Variants in GRID2 observed in about 807,000 individuals in gnomAD.
GRID2 encodes glutamate ionotropic receptor delta type subunit 2, also known as glutamate receptor ionotropic, delta-2.
Under a neutral mutation model 114.8 loss-of-function variants are expected in GRID2, and 33 were observed. That is an observed-to-expected ratio of 0.29 (90% CI 0.22 to 0.38). The LOEUF (loss-of-function observed/expected upper bound fraction) is 0.38. Among genes scored for constraint, GRID2 ranks in the 10% least tolerant of loss-of-function variants. The pLI is 1.00. For missense variants in GRID2, 1,184 were observed against 1,257.7 expected (o/e 0.94, Z 0.89); for synonymous variants, 505 against 449.9 (o/e 1.12, Z -1.55).
chr4:92,402,443 T>C (rs1446127030), intron 1 of GRID2, among the ~76,000 whole-genome samples: 2 of 152,166 alleles, frequency 1.3e-5, no homozygotes, highest in African/African-American at 4.8e-5. Context: ...ATAATAAGAC[T>C]TGAAAGTTTG....
intron 4 of GRID2, among the ~76,000 whole-genome samples, chr4:93,130,158 A>T (rs1275924372): frequency 1.3e-5 from 2 of 152,176 alleles, no homozygotes; most frequent in African/African-American, 4.8e-5. Flanking sequence ...TTACCTTAAA[A>T]GATCGGTGTG....
chr4:92,903,264 A>C (rs1747709177), intron 2 of GRID2, among the ~76,000 whole-genome samples: 1 of 151,834 alleles, frequency 6.6e-6, no homozygotes, highest in Non-Finnish European at 1.5e-5. Context: ...CAACATTTTA[A>C]ATGAATAAAA....
At chr4:92,791,180 A>C (rs542309478) in intron 2 of GRID2, among the ~76,000 whole-genome samples, 118 of 151,930 alleles carry the variant, frequency 7.8e-4, no homozygotes, top group African/African-American at 2.5e-3. Flanking sequence ...AAAAATGAGA[A>C]AGAGAATGAC....
intron 11 of GRID2, among the ~76,000 whole-genome samples, chr4:93,475,248 T>A (rs1156718742): frequency 2.0e-5 from 3 of 152,120 alleles, no homozygotes; most frequent in Admixed American, 2.0e-4. Context: ...GGAAAAGAAA[T>A]CAGAATAGAA....
intron 1 of GRID2, among the ~76,000 whole-genome samples, chr4:92,501,571 C>T (rs1009257055): frequency 6.6e-6 from 1 of 152,102 alleles, no homozygotes; most frequent in Non-Finnish European, 1.5e-5. Flanking sequence ...CTGCCTTCTT[C>T]CTCTAATGAT....
chr4:93,594,217 T>G (rs1252186699), intron 13 of GRID2, among the ~76,000 whole-genome samples: 1 of 151,992 alleles, frequency 6.6e-6, no homozygotes, highest in Non-Finnish European at 1.5e-5. Context: ...TATGGTGATG[T>G]ACAGATGGGT....
At chr4:93,739,266 G>A (rs1231747976) in intron 14 of GRID2, among the ~76,000 whole-genome samples, 1 of 152,076 alleles carries the variant, frequency 6.6e-6, no homozygotes, top group Non-Finnish European at 1.5e-5. Flanking sequence ...TGTTTAAACT[G>A]TGTTTATAGT....
intron 1 of GRID2, among the ~76,000 whole-genome samples, chr4:92,566,064 C>T (rs1015593): frequency 6.5e-4 from 98 of 151,922 alleles, no homozygotes; most frequent in African/African-American, 2.3e-3. Context: ...CTTCGCTGAC[C>T]GTTTATGGTT....
chr4:92,548,643 C>T (rs1360595274), intron 1 of GRID2, among the ~76,000 whole-genome samples: 2 of 151,688 alleles, frequency 1.3e-5, no homozygotes, highest in African/African-American at 4.8e-5. Context: ...GTCAGCCCAC[C>T]TCAACTTCCC....
At chr4:93,314,217 A>T (rs1246251196) in intron 8 of GRID2, among the ~76,000 whole-genome samples, 1 of 147,814 alleles carries the variant, frequency 6.8e-6, no homozygotes, top group Non-Finnish European at 1.5e-5. Flanking sequence ...AGGCAGGATA[A>T]TTGCTAGAAC....
intron 2 of GRID2, among the ~76,000 whole-genome samples, chr4:92,961,087 A>G (rs185960595): frequency 6.6e-6 from 1 of 151,888 alleles, no homozygotes; most frequent in Non-Finnish European, 1.5e-5. Flanking sequence ...AAAAAATAAT[A>G]ATTACCCCCT....
intron 13 of GRID2, among the ~76,000 whole-genome samples, chr4:93,590,313 T>C (rs1273105308): frequency 6.6e-6 from 1 of 150,588 alleles, no homozygotes; most frequent in Admixed American, 6.6e-5. Context: ...AAATAGGGAA[T>C]CCTTTCCCCA....
At chr4:92,402,796 A>C (rs1730851300) in intron 1 of GRID2, among the ~76,000 whole-genome samples, 1 of 152,180 alleles carries the variant, frequency 6.6e-6, no homozygotes, top group South Asian at 2.1e-4. Flanking sequence ...CTGCTGCATT[A>C]GTCTCTAACA....
chr4:92,533,787 C>T (rs1364448458), intron 1 of GRID2, among the ~76,000 whole-genome samples: 1 of 152,048 alleles, frequency 6.6e-6, no homozygotes, highest in Non-Finnish European at 1.5e-5. Context: ...AAGTCAAATA[C>T]TTAACTGAAG....
intron 14 of GRID2, among the ~76,000 whole-genome samples, chr4:93,700,321 A>T (rs1727398613): frequency 6.6e-6 from 1 of 152,134 alleles, no homozygotes; most frequent in Admixed American, 6.6e-5. Flanking sequence ...CCAACCCTGT[A>T]TGAATTTTTA....
intron 8 of GRID2, among the ~76,000 whole-genome samples, chr4:93,374,430 G>T (rs2149297430): frequency 6.6e-6 from 1 of 152,178 alleles, no homozygotes; most frequent in East Asian, 1.9e-4. Flanking sequence ...CTGAGGAAAT[G>T]GTACAGTAAG....
chr4:92,996,276 C>T (rs1755190287), intron 2 of GRID2, among the ~76,000 whole-genome samples: 1 of 150,142 alleles, frequency 6.7e-6, no homozygotes, highest in South Asian at 2.1e-4. Flanking sequence ...GTTGACAGAA[C>T]AAGACTCTCT....
chr4:93,063,803 C>T lies in GRID2; in HGVS notation c.245-21192C>T, dbSNP rs369960081. 7.3e-5 allele frequency among the ~76,000 whole-genome samples: 11 copies of T among 151,664 alleles called. No homozygotes were observed. In the East Asian group the frequency reaches 1.9e-3, roughly 27 times the overall value. ...TTGCAGACAAATAAACTGAATTGTA[C>T]AAGTATTATTTAGGAAGTTATATAT... On this transcript the variant is annotated intron_variant, in intron 2 of 15. Coordinates refer to ENST00000282020, the MANE Select transcript of GRID2 (RefSeq NM_001510.4).
At chr4:92,942,961 C>T (rs546591852) in intron 2 of GRID2, among the ~76,000 whole-genome samples, 7 of 152,168 alleles carry the variant, frequency 4.6e-5, no homozygotes, top group South Asian at 2.1e-4. Flanking sequence ...ATGGGCTTCC[C>T]GTTGTGGGTA....
Sources: allele counts gnomAD v4.1 joint callset (sites outside exome capture counted in the v4.1 genomes callset), GRCh38; gene constraint gnomAD v4.1.1; transcripts MANE v1.5; gene names NCBI Gene and HGNC (gene_info 2026-07-23, HGNC 2026-07-21).